RGS20: variants seen among roughly 807,000 people sequenced by gnomAD.
RGS20 encodes the protein regulator of G protein signaling 20.
Under a neutral mutation model 33.6 loss-of-function variants are expected in RGS20, and 30 were observed. The ratio of observed to expected loss-of-function variants is 0.89; its 90% CI spans 0.67 to 1.21. The LOEUF is 1.21. RGS20 is among the 50% of genes most tolerant of loss of function. The probability of loss-of-function intolerance (pLI) is 0.00; values close to 1 mark genes in which losing one functional copy is unlikely to be tolerated. For missense variants in RGS20, 472 were observed against 502.4 expected, an observed-to-expected ratio of 0.94 and a Z score of 0.58; for synonymous variants, 208 against 197.9, an observed-to-expected ratio of 1.05 and a Z score of -0.43.
chr8:53,942,444 G>C (rs1814326543), intron 3 of RGS20, among the ~76,000 whole-genome samples: 1 of 151,602 alleles, frequency 6.6e-6, no homozygotes, highest in Admixed American at 6.6e-5. Flanking sequence ...GTGTAACAGA[G>C]TGAGACTCTG....
At chr8:53,901,072 T>C (rs556708384) in intron 2 of RGS20, among the ~76,000 whole-genome samples, 1 of 150,220 alleles carries the variant, frequency 6.7e-6, no homozygotes, top group Non-Finnish European at 1.5e-5. Context: ...CTTTTTTTTT[T>C]TTTTTTTTTG....
At chr8:53,939,028 C>A (rs1410054250) in intron 2 of RGS20, among the ~76,000 whole-genome samples, 3 of 152,210 alleles carry the variant, frequency 2.0e-5, no homozygotes, top group African/African-American at 7.2e-5. Context: ...TCAATCACTT[C>A]TGCAAGGTGA....
At chr8:53,950,211 ATAT>A (rs1480871508) in intron 4 of RGS20, among the ~76,000 whole-genome samples, 1 of 152,216 alleles carries the variant, frequency 6.6e-6, no homozygotes, top group East Asian at 1.9e-4. Flanking sequence ...TAAAAATCAA[ATAT>A]TATTGTTCAA....
chr8:53,910,613 A>G (rs1488788315), intron 2 of RGS20, among the ~76,000 whole-genome samples: 1 of 152,194 alleles, frequency 6.6e-6, no homozygotes, highest in African/African-American at 2.4e-5. Context: ...GAAAACATAC[A>G]CCCACACAAA....
chr8:53,894,159 C>CT (rs1772598945), intron 2 of RGS20, among the ~76,000 whole-genome samples: 1 of 152,158 alleles, frequency 6.6e-6, no homozygotes. Context: ...TCCTGGGTCT[C>CT]TGTGTCCAAC....
At chr8:53,880,554 C>T (rs548615624) in intron 2 of RGS20, among the ~76,000 whole-genome samples, 1 of 152,214 alleles carries the variant, frequency 6.6e-6, no homozygotes, top group Non-Finnish European at 1.5e-5. Context: ...TCCTTCCTCC[C>T]GCTCCCTTCA....
chr8:53,852,110 G>C (rs770535462), intron 1 of RGS20: 2 of 1,517,478 alleles, frequency 1.3e-6, no homozygotes, highest in East Asian at 2.3e-5. Flanking sequence ...TCAAGGGAAA[G>C]TGTTTACCCA....
chr8:53,909,577 C>A (rs61524906), intron 2 of RGS20, among the ~76,000 whole-genome samples: 1 of 151,692 alleles, frequency 6.6e-6, no homozygotes, highest in African/African-American at 2.4e-5. Flanking sequence ...TTTTTAAAGG[C>A]TGTTATTATA....
At chr8:53,885,271 A>C (rs1036239807) in intron 2 of RGS20, among the ~76,000 whole-genome samples, 2 of 152,196 alleles carry the variant, frequency 1.3e-5, no homozygotes, top group Non-Finnish European at 2.9e-5. Flanking sequence ...CCATGGACAG[A>C]TGCAGATAGT....
At chr8:53,899,153 C>T (rs1294477899) in intron 2 of RGS20, among the ~76,000 whole-genome samples, 1 of 152,218 alleles carries the variant, frequency 6.6e-6, no homozygotes, top group Non-Finnish European at 1.5e-5. Context: ...CACCACAATG[C>T]CTGTGTGCCA....
At chr8:53,880,900 A>G in intron 2 of RGS20, 2 of 1,505,526 alleles carry the variant, frequency 1.3e-6, no homozygotes, top group Non-Finnish European at 1.8e-6. Context: ...GGCCGGGAGA[A>G]GAGGGCTAGA....
At chr8:53,934,293 A>C (rs973521809) in intron 2 of RGS20, among the ~76,000 whole-genome samples, 1 of 152,216 alleles carries the variant, frequency 6.6e-6, no homozygotes, top group Non-Finnish European at 1.5e-5. Flanking sequence ...TAAATGCCCC[A>C]ATTAAAAGAT....
intron 2 of RGS20, chr8:53,881,017 T>A (rs758821227): frequency 6.3e-7 from 1 of 1,594,868 alleles, no homozygotes; most frequent in East Asian, 2.2e-5. Flanking sequence ...GCGGGACGCA[T>A]GCGCACGGCG....
intron 1 of RGS20, among the ~76,000 whole-genome samples, chr8:53,859,674 G>A (rs1207175156): frequency 5.3e-5 from 8 of 152,194 alleles, no homozygotes; most frequent in Non-Finnish European, 5.9e-5. Context: ...AGAAATACCC[G>A]AGACTGGTTG....
chr8:53,896,771 A>G (rs1266269109), intron 2 of RGS20, among the ~76,000 whole-genome samples: 1 of 152,264 alleles, frequency 6.6e-6, no homozygotes. Context: ...CTTAGTAGCA[A>G]TTAACAAGCC....
intron 2 of RGS20, among the ~76,000 whole-genome samples, chr8:53,907,240 T>C (rs73589210): frequency 0.054 from 8,260 of 152,112 alleles, 675 homozygotes; most frequent in African/African-American, 0.18. Flanking sequence ...ATTTTTTTTC[T>C]GAAGCATTTG....
Position 53,879,490 on chromosome 8 carries a change from C to A in RGS20, c.398C>A (p.Ala133Glu). Residue 133 changes from alanine (A) to glutamate (E), a missense_variant, in exon 2 of 6, where the codon GCG becomes GAG. By Grantham distance (107) the Ala-to-Glu change is moderately radical. This residue lies in a region of RGS20 where 319 missense variants were observed against 283.4 expected (regional missense o/e 1.13). Transcript: ENST00000297313. ...GGCCGCCTCTCGCTCCTGCTCGGGG[C>A]GGCGCTGGCACTGCCCGGCCGACCC... The A allele has an allele frequency of 6.4e-7, 1 of 1,560,898 alleles. No homozygotes were observed. The highest frequency in any genetic ancestry group is 8.6e-7 in the Non-Finnish European group (1 of 1,156,686).
At chr8:53,931,064 A>G (rs1813945182) in intron 2 of RGS20, among the ~76,000 whole-genome samples, 1 of 152,146 alleles carries the variant, frequency 6.6e-6, no homozygotes, top group Non-Finnish European at 1.5e-5. Context: ...TGTGGTACCC[A>G]TAAAGCATGA....
intron 2 of RGS20, chr8:53,881,048 GGCTTCCT>G (rs1563357437): frequency 6.4e-7 from 1 of 1,564,172 alleles, no homozygotes; most frequent in Admixed American, 2.0e-5. Context: ...AGCCGGCCGG[GGCTTCCT>G]CCCCGGCCGG....
Sources: gnomAD v4.1 joint callset for allele counts (sites outside exome capture counted in the v4.1 genomes callset) on GRCh38, gnomAD v4.1.1 for gene constraint, gnomAD v4.1.1 regional missense constraint, MANE v1.5 for transcripts, NCBI Gene and HGNC (gene_info 2026-07-23, HGNC 2026-07-21) for gene names.